UBXN4: variants seen among roughly 807,000 people sequenced by gnomAD.
UBXN4 encodes the protein UBX domain-containing protein 4.
UBXN4 carries 35 observed loss-of-function variants against 66.2 expected under a neutral mutation model. The ratio of observed to expected loss-of-function variants is 0.53; its 90% CI spans 0.40 to 0.70. The LOEUF is 0.70. Ranked by LOEUF, UBXN4 falls within the 30% of genes least tolerant of loss-of-function variation. The probability of loss-of-function intolerance (pLI) is 0.00; values close to 1 mark genes in which losing one functional copy is unlikely to be tolerated. For missense variants in UBXN4, 533 were observed against 599.8 expected (o/e 0.89, Z 1.16); for synonymous variants, 203 against 204.5 (o/e 0.99, Z 0.06).
At chr2:135,757,677 TG>T (rs2077286339) in intron 5 of UBXN4, among the ~76,000 whole-genome samples, 1 of 152,194 alleles carries the variant, frequency 6.6e-6, no homozygotes, top group Non-Finnish European at 1.5e-5. Context: ...CAAAGAGTGT[TG>T]TTTTTGTTTT....
intron 5 of UBXN4, among the ~76,000 whole-genome samples, chr2:135,755,970 G>A (rs1307854800): frequency 6.6e-6 from 1 of 152,130 alleles, no homozygotes; most frequent in Non-Finnish European, 1.5e-5. Context: ...ATGACACTGA[G>A]CAGTTTTATA....
chr2:135,763,563 G>A (rs1224668950), intron 6 of UBXN4, among the ~76,000 whole-genome samples: 2 of 152,212 alleles, frequency 1.3e-5, no homozygotes, highest in South Asian at 2.1e-4. Flanking sequence ...GGTGGCTCAC[G>A]CCTGTAATCC....
rs2077274556 is a variant in UBXN4 at position 135,755,549 on chromosome 2, A to G, written c.366A>G (p.Ala122=). 2 of 1,597,608 alleles carry G rather than the reference A, an allele frequency of 1.3e-6. No individual in the cohort carries two copies. The highest frequency in any genetic ancestry group is 4.5e-5 in the East Asian group (2 of 44,068). The change falls in exon 5 of 13, where the codon GCA becomes GCG. Residue 122 remains alanine (A), a synonymous_variant. Coordinates refer to ENST00000272638, the MANE Select transcript of UBXN4 (RefSeq NM_014607.4). Reference sequence around the variant, plus strand: ...TGCTAAAAAGTGAAACATCAGTAGCAAATGGCAGTCAGTCAGAAAGTTCAG... The same window carrying G: ...TGCTAAAAAGTGAAACATCAGTAGCGAATGGCAGTCAGTCAGAAAGTTCAG... The part of the protein sequence containing the change: ...MHLLKSETSV[A]NGSQSESSVS...
At chr2:135,778,810 T>C in intron 10 of UBXN4, 138 bp from the exon 11 acceptor site, 1 of 978,496 alleles carries the variant, frequency 1.0e-6, no homozygotes, top group Non-Finnish European at 1.4e-6. Flanking sequence ...GGAAGCACAA[T>C]TTTATACCTT....
chr2:135,751,662 G>A (rs1374647037), intron 2 of UBXN4, among the ~76,000 whole-genome samples: 1 of 151,362 alleles, frequency 6.6e-6, no homozygotes, highest in African/African-American at 2.4e-5. Context: ...TCATTTTAGT[G>A]TGTATGTATT....
intron 6 of UBXN4, among the ~76,000 whole-genome samples, chr2:135,769,057 C>T (rs973441911): frequency 6.6e-6 from 1 of 152,044 alleles, no homozygotes; most frequent in African/African-American, 2.4e-5. Context: ...GGCTGGAATG[C>T]AGTAACGCGA....
intron 10 of UBXN4, among the ~76,000 whole-genome samples, chr2:135,777,561 G>A (rs2077423606): frequency 6.6e-6 from 1 of 152,090 alleles, no homozygotes; most frequent in South Asian, 2.1e-4. Flanking sequence ...ATGGAGAAGG[G>A]ACTACATCTT....
intron 6 of UBXN4, among the ~76,000 whole-genome samples, chr2:135,768,768 G>A (rs568865955): frequency 4.0e-5 from 6 of 151,660 alleles, no homozygotes; most frequent in African/African-American, 1.2e-4. Context: ...TCGCCGTGTT[G>A]GCCAGGCTAG....
chr2:135,755,739 C>T lies in UBXN4; in HGVS notation c.508+48C>T, dbSNP rs370387642. On this transcript the variant is annotated intron_variant, in intron 5 of 12. Coordinates refer to ENST00000272638, the MANE Select transcript of UBXN4 (RefSeq NM_014607.4). ...GAGTGCAATAGAAGCTCCTTCACTA[C>T]ATTTTAATATTTAAATATTAATATT... The T allele has an allele frequency of 2.7e-4, 319 of 1,163,400 alleles. 4 individuals are homozygous for T. The South Asian group carries it at 4.0e-3, about 15-fold the overall frequency. The allele number at this position is 1,163,400 out of a possible 1,614,324, so 72.1% of individuals were successfully genotyped here. A position where few individuals can be genotyped will look rare whatever the true frequency, so the allele number is the denominator to read the frequency against.
intron 2 of UBXN4, among the ~76,000 whole-genome samples, chr2:135,749,265 C>G (rs575228270): frequency 6.6e-6 from 1 of 152,272 alleles, no homozygotes; most frequent in East Asian, 1.9e-4. Flanking sequence ...CATTGAATAT[C>G]TCTGAGAGGT....
Position 135,779,098 on chromosome 2 carries a change from A to AT in UBXN4, c.1185+26dup, listed in dbSNP as rs1351142245. 7 of 1,553,702 alleles carry AT rather than the reference A, an allele frequency of 4.5e-6. No homozygotes were observed. Among genetic ancestry groups the AT allele is most frequent in the South Asian group, 2.6e-5 (2 of 78,114 alleles). The stretch of plus-strand genomic sequence containing the variant: ...GTTGCCAGTATGTATATACAGATGC[A>AT]TTTTTTTCTCTTCTTATTGTTTTCT... On this transcript the variant is annotated intron_variant, in intron 11 of 12. Coordinates refer to ENST00000272638, the MANE Select transcript of UBXN4 (RefSeq NM_014607.4).
chr2:135,782,784 G>A lies in UBXN4; in HGVS notation c.1424G>A (p.Gly475Glu). The change falls in exon 13 of 13, where the codon GGA (glycine) becomes GAA (glutamate). Residue 475 changes from glycine (G) to glutamate (E), a missense_variant. By Grantham distance (98) the Gly-to-Glu change is moderately conservative. Coordinates refer to ENST00000272638, the MANE Select transcript of UBXN4 (RefSeq NM_014607.4). Reference protein sequence around the residue: ...PVRKRVLEKRGDDFKKEGKIY... With the variant: ...PVRKRVLEKREDDFKKEGKIY... ...AGAAAAAGAGTGCTGGAAAAACGTG[G>A]AGACGACTTTAAAAAGGAGGGGAAA... 2 of 1,614,008 alleles carry A rather than the reference G, an allele frequency of 1.2e-6. No individual in the cohort carries two copies. The highest frequency in any genetic ancestry group is 1.7e-6 in the Non-Finnish European group (2 of 1,179,980).
intron 2 of UBXN4, among the ~76,000 whole-genome samples, chr2:135,753,088 A>G (rs1457154496): frequency 1.4e-5 from 2 of 142,378 alleles, no homozygotes; most frequent in African/African-American, 2.7e-5. Context: ...CAATGGTGCA[A>G]TCTTGGCTCA....
At chr2:135,781,294 A>G (rs567560760) in intron 12 of UBXN4, among the ~76,000 whole-genome samples, 112 of 152,350 alleles carry the variant, frequency 7.4e-4, no homozygotes, top group African/African-American at 2.5e-3. Context: ...AACACTGACA[A>G]TTTTAACTCC....
chr2:135,757,343 TTC>T (rs1275511941), intron 5 of UBXN4, among the ~76,000 whole-genome samples: 2 of 152,360 alleles, frequency 1.3e-5, no homozygotes, highest in South Asian at 2.1e-4. Context: ...GGATTTCTAT[TTC>T]TTTCTCTCTT....
At chr2:135,750,585 G>T (rs974191723) in intron 2 of UBXN4, among the ~76,000 whole-genome samples, 1 of 152,004 alleles carries the variant, frequency 6.6e-6, no homozygotes, top group Non-Finnish European at 1.5e-5. Flanking sequence ...AAAATTTTCT[G>T]TGTTTACAAA....
intron 2 of UBXN4, among the ~76,000 whole-genome samples, chr2:135,750,924 C>T (rs1343276675): frequency 8.9e-5 from 12 of 134,250 alleles, no homozygotes; most frequent in South Asian, 5.0e-4. Flanking sequence ...GGCGTGATCT[C>T]GGCTCACTGC....
intron 2 of UBXN4, among the ~76,000 whole-genome samples, chr2:135,750,508 AAAAAAT>A (rs970952538): frequency 1.3e-5 from 2 of 152,158 alleles, no homozygotes; most frequent in Admixed American, 6.5e-5. Flanking sequence ...TCCGTCTCAA[AAAAAAT>A]AAAAATAAAA....
chr2:135,752,596 T>G (rs542785182), intron 2 of UBXN4, among the ~76,000 whole-genome samples: 1 of 152,378 alleles, frequency 6.6e-6, no homozygotes, highest in Non-Finnish European at 1.5e-5. Context: ...AGGCCTTATG[T>G]CTTCGTGTTC....
Sources: allele counts gnomAD v4.1 joint callset (sites outside exome capture counted in the v4.1 genomes callset), GRCh38; gene constraint gnomAD v4.1.1; transcripts MANE v1.5; gene names NCBI Gene and HGNC (gene_info 2026-07-23, HGNC 2026-07-21).